The following DGKB variants were observed in gnomAD, a reference collection of about 807,000 sequenced individuals.
DGKB encodes diacylglycerol kinase beta.
In DGKB, 67 loss-of-function variants were observed where a neutral mutation model predicts 114.3. The observed-to-expected ratio is 0.59, with a 90% CI of 0.48 to 0.72. DGKB has a LOEUF of 0.72. DGKB is among the 30% of genes least tolerant of loss of function. The pLI, the probability that DGKB is intolerant of heterozygous loss-of-function variation, is 0.00. For missense variants in DGKB, 907 were observed against 975.2 expected, an observed-to-expected ratio of 0.93 and a Z score of 0.93; for synonymous variants, 398 against 323.1, an observed-to-expected ratio of 1.23 and a Z score of -2.49.
chr7:14,381,795 C>T (rs1423395249), intron 21 of DGKB, among the ~76,000 whole-genome samples: 3 of 152,134 alleles, frequency 2.0e-5, no homozygotes, highest in Non-Finnish European at 2.9e-5. Context: ...TCTAGCCACA[C>T]TGTAATCACA....
In DGKB at chr7:14,536,120, T is replaced by C. The variant is rs187632922; in HGVS notation, c.1770+38092A>G. 1.2e-3 allele frequency among the ~76,000 whole-genome samples: 180 copies of C among 151,472 alleles called. 1 individual carries two copies. The highest frequency in any genetic ancestry group is 4.2e-3 in the African/African-American group (173 of 40,854). On this transcript the variant is annotated intron_variant, in intron 20 of 25. Transcript: ENST00000402815. ...ACAGAAAGAAGAAATAGAAACACTTTAAAGATCGGTAATGAATAAAGAGTT... is the reference window on the plus strand; with the variant it reads ...ACAGAAAGAAGAAATAGAAACACTTCAAAGATCGGTAATGAATAAAGAGTT...
At chr7:14,789,703 T>C (rs1403671178) in intron 2 of DGKB, among the ~76,000 whole-genome samples, 2 of 147,022 alleles carry the variant, frequency 1.4e-5, no homozygotes, top group Admixed American at 6.8e-5. Context: ...TACAGGTGCA[T>C]GTTACCACAT....
At chr7:14,242,374 A>G (rs1047221528) in intron 23 of DGKB, among the ~76,000 whole-genome samples, 1 of 152,182 alleles carries the variant, frequency 6.6e-6, no homozygotes, top group African/African-American at 2.4e-5. Context: ...ACTTTCTGTG[A>G]GGTAAGAGGT....
intron 14 of DGKB, among the ~76,000 whole-genome samples, chr7:14,623,367 T>A (rs1163935972): frequency 1.3e-5 from 2 of 152,176 alleles, no homozygotes; most frequent in South Asian, 2.1e-4. Flanking sequence ...ATTTTATTTG[T>A]GCAAATGTAT....
At chr7:14,888,354 T>C (rs1780644051) in intron 1 of DGKB, among the ~76,000 whole-genome samples, 1 of 149,062 alleles carries the variant, frequency 6.7e-6, no homozygotes, top group South Asian at 2.1e-4. Context: ...TGCACAAACA[T>C]AGCCATACCC....
At chr7:14,901,733 T>C (rs1456830347) in intron 1 of DGKB, among the ~76,000 whole-genome samples, 2 of 151,748 alleles carry the variant, frequency 1.3e-5, no homozygotes, top group Non-Finnish European at 2.9e-5. Flanking sequence ...AGACCTTCAG[T>C]ATTCTGCTTG....
intron 2 of DGKB, among the ~76,000 whole-genome samples, chr7:14,793,003 T>C (rs544054723): frequency 5.3e-5 from 8 of 152,194 alleles, no homozygotes; most frequent in South Asian, 2.1e-4. Flanking sequence ...TATGTGAAGA[T>C]ATACACAGAC....
chr7:14,949,871 A>G (rs1271549446), intron 1 of DGKB, among the ~76,000 whole-genome samples: 3 of 151,106 alleles, frequency 2.0e-5, no homozygotes, highest in Non-Finnish European at 3.0e-5. Context: ...CAAACACTGC[A>G]TGTTCTCACT....
intron 23 of DGKB, among the ~76,000 whole-genome samples, chr7:14,316,501 A>G (rs1469034056): frequency 1.8e-3 from 241 of 131,510 alleles, no homozygotes; most frequent in African/African-American, 7.0e-3. Context: ...GAATACTACA[A>G]ACACCTCTAC....
intron 2 of DGKB, among the ~76,000 whole-genome samples, chr7:14,779,012 T>C (rs1301258284): frequency 6.6e-6 from 1 of 151,998 alleles, no homozygotes; most frequent in Non-Finnish European, 1.5e-5. Flanking sequence ...ACAAATTAGC[T>C]AGGCGTGGTG....
At chr7:14,641,911 G>A (rs999622544) in intron 13 of DGKB, among the ~76,000 whole-genome samples, 6 of 152,042 alleles carry the variant, frequency 3.9e-5, no homozygotes, top group African/African-American at 1.4e-4. Context: ...ATTGCACCAA[G>A]TAGATAAATT....
intron 1 of DGKB, among the ~76,000 whole-genome samples, chr7:14,971,957 A>C (rs1387470283): frequency 1.3e-5 from 2 of 151,970 alleles, no homozygotes; most frequent in African/African-American, 4.8e-5. Flanking sequence ...CGTTGGCCAG[A>C]CTGGCCTTGA....
At chr7:14,727,743 T>C (rs1219122969) in intron 5 of DGKB, among the ~76,000 whole-genome samples, 2 of 152,188 alleles carry the variant, frequency 1.3e-5, no homozygotes, top group Non-Finnish European at 2.9e-5. Flanking sequence ...CTTGTTTGCA[T>C]TGTGGAAACT....
intron 1 of DGKB, among the ~76,000 whole-genome samples, chr7:14,923,983 CAAAAA>C (rs56032330): frequency 1.0e-3 from 77 of 76,148 alleles, no homozygotes; most frequent in Non-Finnish European, 1.4e-3. Context: ...AGCTCCATCT[CAAAAA>C]AAAAAAAAAA....
chr7:14,357,562 T>G (rs575369297), intron 21 of DGKB, among the ~76,000 whole-genome samples: 1 of 152,336 alleles, frequency 6.6e-6, no homozygotes, highest in South Asian at 2.1e-4. Context: ...TTTTCCAGTC[T>G]GTGTCTTTTA....
At chr7:14,310,460 A>G (rs1805204797) in intron 23 of DGKB, among the ~76,000 whole-genome samples, 2 of 152,220 alleles carry the variant, frequency 1.3e-5, no homozygotes, top group East Asian at 1.9e-4. Context: ...AGAAAACAGT[A>G]GAATAATAAA....
At chr7:14,485,623 G>C (rs1174998339) in intron 20 of DGKB, among the ~76,000 whole-genome samples, 1 of 152,102 alleles carries the variant, frequency 6.6e-6, no homozygotes, top group East Asian at 1.9e-4. Flanking sequence ...ACCTGGCCGG[G>C]TGCGGTGGCT....
At chr7:14,442,332 T>G (rs1483960170) in intron 21 of DGKB, among the ~76,000 whole-genome samples, 1 of 151,982 alleles carries the variant, frequency 6.6e-6, no homozygotes, top group Non-Finnish European at 1.5e-5. Flanking sequence ...TTTTGTTACT[T>G]GGGTTTCTAT....
chr7:14,431,314 A>C (rs1180351529), intron 21 of DGKB, among the ~76,000 whole-genome samples: 1 of 152,112 alleles, frequency 6.6e-6, no homozygotes, highest in Non-Finnish European at 1.5e-5. Flanking sequence ...TTATCTACTG[A>C]GACTGTGATA....
Sources: gnomAD v4.1 joint callset for allele counts (sites outside exome capture counted in the v4.1 genomes callset) on GRCh38, gnomAD v4.1.1 for gene constraint, MANE v1.5 for transcripts, NCBI Gene and HGNC (gene_info 2026-07-23, HGNC 2026-07-21) for gene names.